Variants in OSBPL9 observed in about 807,000 individuals in gnomAD.
OSBPL9 encodes the protein oxysterol binding protein like 9.
OSBPL9 carries 40 observed loss-of-function variants against 106.6 expected under a neutral mutation model. The ratio of observed to expected loss-of-function variants is 0.38; its 90% CI spans 0.29 to 0.49. OSBPL9 has a LOEUF of 0.49. Among genes scored for constraint, OSBPL9 ranks in the 20% least tolerant of loss-of-function variants. The pLI, the probability that OSBPL9 is intolerant of heterozygous loss-of-function variation, is 0.97. For missense variants in OSBPL9, 609 were observed against 887.2 expected, an observed-to-expected ratio of 0.69 and a Z score of 3.98; for synonymous variants, 269 against 295.4, an observed-to-expected ratio of 0.91 and a Z score of 0.92.
chr1:51,721,689 C>T (rs565371285), intron 4 of OSBPL9, among the ~76,000 whole-genome samples: 64 of 152,248 alleles, frequency 4.2e-4, no homozygotes, highest in Middle Eastern at 3.4e-3. Context: ...ATATAAGGAT[C>T]GGTTTATCAC....
chr1:51,596,867 C>G (rs974595101), intron 1 of OSBPL9, among the ~76,000 whole-genome samples: 1 of 152,158 alleles, frequency 6.6e-6, no homozygotes, highest in African/African-American at 2.4e-5. Flanking sequence ...CAGTGGAGAA[C>G]AAGACTGGCA....
the OSBPL9 span, among the ~76,000 whole-genome samples, chr1:51,525,738 A>C: frequency 6.6e-6 from 1 of 152,180 alleles, no homozygotes. Flanking sequence ...ATTTTGCCTA[A>C]GTTCATTCTC....
At chr1:51,667,582 G>A (rs915264720) in intron 2 of OSBPL9, among the ~76,000 whole-genome samples, 2 of 152,174 alleles carry the variant, frequency 1.3e-5, no homozygotes, top group African/African-American at 2.4e-5. Context: ...TTTATCTCCT[G>A]TACTGGATAT....
chr1:51,735,063 T>A (rs1330160779), intron 4 of OSBPL9, among the ~76,000 whole-genome samples: 2 of 152,192 alleles, frequency 1.3e-5, no homozygotes, highest in East Asian at 3.8e-4. Flanking sequence ...GGAGGCTGAC[T>A]TTTACAGCTT....
the OSBPL9 span, among the ~76,000 whole-genome samples, chr1:51,558,631 C>T: frequency 2.6e-5 from 4 of 152,220 alleles, no homozygotes; most frequent in African/African-American, 9.6e-5. Flanking sequence ...AATTGGCATT[C>T]CCCATTCCCT....
upstream of OSBPL9, among the ~76,000 whole-genome samples, chr1:51,576,137 G>T (rs1645182485): frequency 6.6e-6 from 1 of 152,218 alleles, no homozygotes; most frequent in Admixed American, 6.5e-5. Flanking sequence ...TCTGTCTGAT[G>T]TCAATTTAAT....
chr1:51,602,335 C>T (rs1374287197), intron 2 of OSBPL9, among the ~76,000 whole-genome samples: 1 of 151,798 alleles, frequency 6.6e-6, no homozygotes, highest in Non-Finnish European at 1.5e-5. Context: ...TCCATCCTGC[C>T]TCTACCCTAA....
chr1:51,729,751 C>A lies in OSBPL9; in HGVS notation c.318+15672C>A, dbSNP rs951431017. The A allele has an allele frequency of 1.9e-5, 22 of 1,136,304 alleles. No individual in the cohort carries two copies. The highest frequency in any genetic ancestry group is 2.5e-5 in the Non-Finnish European group (22 of 897,224). 70.4% of individuals were successfully genotyped at this position (1,136,304 alleles called of 1,614,324 possible). On this transcript the variant is annotated intron_variant, in intron 4 of 23. Transcript: ENST00000428468. The surrounding 1 kb of genome is among the most constrained non-coding windows in gnomAD (Gnocchi z 5.1). Reference sequence around the variant, plus strand: ...CGCCAGGGGTCTCTTTGCCAGGAGCCGCCAGGGCCAGCCAATCGGGGCGAC... The same window carrying A: ...CGCCAGGGGTCTCTTTGCCAGGAGCAGCCAGGGCCAGCCAATCGGGGCGAC...
At chr1:51,656,185 C>T (rs1385204660) in intron 2 of OSBPL9, among the ~76,000 whole-genome samples, 2 of 152,272 alleles carry the variant, frequency 1.3e-5, no homozygotes, top group East Asian at 3.9e-4. Context: ...TGACATTGGG[C>T]ACATTTCTTA....
chr1:51,674,524 GT>G (rs1199525287), intron 3 of OSBPL9, among the ~76,000 whole-genome samples: 2 of 152,176 alleles, frequency 1.3e-5, no homozygotes, highest in Non-Finnish European at 2.9e-5. Context: ...ATAGATGATG[GT>G]AATTGGATCT....
Position 51,652,050 on chromosome 1 carries a change from T to C in OSBPL9, c.162+9T>C. 1 of 1,582,916 alleles carries C rather than the reference T, an allele frequency of 6.3e-7. No individual in the cohort carries two copies. Among genetic ancestry groups the C allele is most frequent in the South Asian group, 1.1e-5 (1 of 86,964 alleles). ...GATGTGTTAGACTCAGAGTGAGTATTTATTCATTTTTATGAAAATCAATTT... is the reference window on the plus strand; with the variant it reads ...GATGTGTTAGACTCAGAGTGAGTATCTATTCATTTTTATGAAAATCAATTT... On this transcript the variant is annotated intron_variant, in intron 2 of 23. Transcript: ENST00000428468.
At chr1:51,736,938 A>G (rs1357635720) in intron 4 of OSBPL9, among the ~76,000 whole-genome samples, 1 of 152,094 alleles carries the variant, frequency 6.6e-6, no homozygotes, top group Non-Finnish European at 1.5e-5. Flanking sequence ...ACATAGTCCA[A>G]CAGTGCTTTT....
Position 51,617,107 on chromosome 1 carries a change from C to G in OSBPL9, c.-4C>G, listed in dbSNP as rs1271478367. The G allele has an allele frequency of 1.6e-5, 25 of 1,608,504 alleles. No individual in the cohort carries two copies. The highest frequency in any genetic ancestry group is 2.1e-5 in the Non-Finnish European group (25 of 1,177,826). On this transcript the variant is annotated 5_prime_UTR_variant, in exon 1 of 24. Transcript: ENST00000428468. ...GCCGTTTGTTGTCATTGGCGGCTCC[C>G]AAGATGGCGTCCATCATGGAAGGGC... is the stretch of plus-strand genomic sequence containing the variant.
At chr1:51,633,805 T>G (rs1214039966) in intron 1 of OSBPL9, among the ~76,000 whole-genome samples, 1 of 152,020 alleles carries the variant, frequency 6.6e-6, no homozygotes, top group African/African-American at 2.4e-5. Flanking sequence ...AAAACCATTT[T>G]GTAGAAATGG....
chr1:51,589,910 G>A (rs1440695524), intron 1 of OSBPL9, among the ~76,000 whole-genome samples: 2 of 151,528 alleles, frequency 1.3e-5, no homozygotes, highest in East Asian at 3.9e-4. Flanking sequence ...GCAGGTGCCT[G>A]TAATCCCACC....
intron 1 of OSBPL9, among the ~76,000 whole-genome samples, chr1:51,624,017 A>G (rs1644607766): frequency 1.3e-5 from 2 of 151,874 alleles, no homozygotes; most frequent in Non-Finnish European, 2.9e-5. Flanking sequence ...TCCTGGGTAG[A>G]AGCAATTCTC....
At chr1:51,690,650 A>G (rs1223609308) in intron 3 of OSBPL9, among the ~76,000 whole-genome samples, 2 of 152,240 alleles carry the variant, frequency 1.3e-5, no homozygotes, top group Admixed American at 6.5e-5. Context: ...GCAAATATTT[A>G]TTGAGCACCT....
intron 3 of OSBPL9, chr1:51,708,080 A>G: frequency 4.5e-6 from 1 of 222,550 alleles, no homozygotes; most frequent in Non-Finnish European, 9.4e-6. Context: ...CCAGAGTTAA[A>G]AGAAGCCCTG....
intron 1 of OSBPL9, among the ~76,000 whole-genome samples, chr1:51,580,944 A>G (rs1420927824): frequency 0.016 from 15 of 912 alleles, 3 homozygotes; most frequent in African/African-American, 0.034. Context: ...ATATATATAT[A>G]TATATATATA....
Sources: allele counts gnomAD v4.1 joint callset (sites outside exome capture counted in the v4.1 genomes callset), GRCh38; gene constraint gnomAD v4.1.1; non-coding constraint Gnocchi (gnomAD v3.1); transcripts MANE v1.5; gene names NCBI Gene and HGNC (gene_info 2026-07-23, HGNC 2026-07-21).